The following HIBADH variants were observed in gnomAD, a reference collection of about 807,000 sequenced individuals.
HIBADH encodes 3-hydroxyisobutyrate dehydrogenase.
In HIBADH, 25 loss-of-function variants were observed where a neutral mutation model predicts 36.1. The ratio of observed to expected loss-of-function variants is 0.69; its 90% CI spans 0.50 to 0.97. The LOEUF is 0.97. Ranked by LOEUF, HIBADH falls within the 50% of genes least tolerant of loss-of-function variation. The probability of loss-of-function intolerance (pLI) is 0.00; values close to 1 mark genes in which losing one functional copy is unlikely to be tolerated. For synonymous variants in HIBADH, 160 were observed against 149.5 expected (o/e 1.07, Z -0.51); for missense variants, 421 against 418.0 (o/e 1.01, Z -0.06).
chr7:27,529,275 A>G (rs949617213), intron 7 of HIBADH, among the ~76,000 whole-genome samples: 10 of 152,198 alleles, frequency 6.6e-5, no homozygotes, highest in African/African-American at 2.2e-4. Context: ...TTCAACTCTT[A>G]TGTGAGAAGT....
chr7:27,632,215 T>C (rs1583609678), intron 3 of HIBADH, 121 bp downstream of exon 3: 9 of 663,680 alleles, frequency 1.4e-5, no homozygotes, highest in East Asian at 1.1e-4. Context: ...CTATTCACTT[T>C]ATGAAATAAA....
At chr7:27,595,803 A>AT (rs1226714480) in intron 4 of HIBADH, among the ~76,000 whole-genome samples, 1 of 152,206 alleles carries the variant, frequency 6.6e-6, no homozygotes, top group Non-Finnish European at 1.5e-5. Flanking sequence ...ATCTAATAAA[A>AT]TTACGCATAA....
At chr7:27,637,059 G>C (rs1040163529) in intron 2 of HIBADH, among the ~76,000 whole-genome samples, 20 of 152,282 alleles carry the variant, frequency 1.3e-4, no homozygotes, top group East Asian at 9.6e-4. Flanking sequence ...GGGTATGTTG[G>C]AGAATAAAGA....
intron 5 of HIBADH, among the ~76,000 whole-genome samples, chr7:27,539,671 T>G (rs74838057): frequency 6.6e-6 from 1 of 152,136 alleles, no homozygotes; most frequent in African/African-American, 2.4e-5. Context: ...CCTTGAATGA[T>G]GAGGGGGTTA....
intron 4 of HIBADH, among the ~76,000 whole-genome samples, chr7:27,551,353 C>T (rs1284373688): frequency 6.6e-6 from 1 of 152,146 alleles, no homozygotes; most frequent in East Asian, 1.9e-4. Flanking sequence ...GTTTCTTCAT[C>T]TGAAAACAGT....
intron 4 of HIBADH, among the ~76,000 whole-genome samples, chr7:27,575,839 G>A (rs1432108702): frequency 6.6e-6 from 1 of 152,220 alleles, no homozygotes; most frequent in Admixed American, 6.5e-5. Flanking sequence ...TTTCCTGAAT[G>A]GATTCTGGGC....
At chr7:27,579,523 T>C (rs1784760018) in intron 4 of HIBADH, among the ~76,000 whole-genome samples, 1 of 152,210 alleles carries the variant, frequency 6.6e-6, no homozygotes, top group African/African-American at 2.4e-5. Flanking sequence ...GTAGTTATCT[T>C]TTGATTTACA....
intron 4 of HIBADH, among the ~76,000 whole-genome samples, chr7:27,574,299 A>ATTT (rs70994662): frequency 2.0e-5 from 3 of 150,020 alleles, no homozygotes; most frequent in African/African-American, 7.3e-5. Flanking sequence ...ATAGCAGGTG[A>ATTT]TTTTTTTTTT....
In HIBADH at chr7:27,528,535, C is replaced by G. The variant is rs1158259746; in HGVS notation, c.853-2163G>C. ...AGTGGTCTGGATAGATCAAACCAGC[C>G]AAAACATTCCCTTAAACCAAAGCTT... On this transcript the variant is annotated intron_variant, in intron 7 of 7. Coordinates refer to ENST00000265395, the MANE Select transcript of HIBADH (RefSeq NM_152740.4). 2.0e-5 allele frequency among the ~76,000 whole-genome samples: 3 copies of G among 152,166 alleles called. No individual in the cohort carries two copies. In the East Asian group the frequency reaches 5.8e-4, roughly 29 times the overall value.
At chr7:27,589,776 T>C (rs1156514006) in intron 4 of HIBADH, among the ~76,000 whole-genome samples, 1 of 152,186 alleles carries the variant, frequency 6.6e-6, no homozygotes, top group Non-Finnish European at 1.5e-5. Context: ...CTGAGCAACC[T>C]TTTCTGTGGC....
chr7:27,602,797 AAACG>A (rs1785153837), intron 4 of HIBADH, among the ~76,000 whole-genome samples: 1 of 152,236 alleles, frequency 6.6e-6, no homozygotes, highest in East Asian at 1.9e-4. Flanking sequence ...TTTTACATGC[AAACG>A]TACTTTCTCA....
chr7:27,577,180 T>TTTA (rs1784723579), intron 4 of HIBADH, among the ~76,000 whole-genome samples: 3 of 151,252 alleles, frequency 2.0e-5, no homozygotes, highest in African/African-American at 2.4e-5. Flanking sequence ...TTTTTTTTTT[T>TTTA]GAGATGGAGT....
At chr7:27,653,765 G>C (rs1159638313) in intron 1 of HIBADH, among the ~76,000 whole-genome samples, 1 of 151,872 alleles carries the variant, frequency 6.6e-6, no homozygotes, top group Non-Finnish European at 1.5e-5. Context: ...CCATGACCAA[G>C]GTTTCAGTGA....
intron 4 of HIBADH, among the ~76,000 whole-genome samples, chr7:27,571,630 TTGTCTGGTGACC>T (rs1784630117): frequency 6.6e-6 from 1 of 152,240 alleles, no homozygotes; most frequent in Non-Finnish European, 1.5e-5. Context: ...TTCTGTTGGC[TTGTCTGGTGACC>T]TGTCTCCCTT....
intron 4 of HIBADH, among the ~76,000 whole-genome samples, chr7:27,554,983 T>C (rs1278002769): frequency 7.2e-5 from 11 of 152,166 alleles, no homozygotes; most frequent in Admixed American, 6.5e-4. Flanking sequence ...CCATTTCTGA[T>C]GGTGCATTAA....
At chr7:27,589,827 C>G (rs943268460) in intron 4 of HIBADH, among the ~76,000 whole-genome samples, 4 of 151,982 alleles carry the variant, frequency 2.6e-5, no homozygotes, top group Non-Finnish European at 5.9e-5. Flanking sequence ...GTGAACATAC[C>G]CAAGTCATAC....
intron 4 of HIBADH, among the ~76,000 whole-genome samples, chr7:27,583,145 G>A (rs147787908): frequency 2.6e-5 from 4 of 152,074 alleles, no homozygotes; most frequent in African/African-American, 7.2e-5. Context: ...TTTACAAGAT[G>A]TGTTCTTGTT....
At chr7:27,646,296 A>G (rs1786069620) in intron 2 of HIBADH, among the ~76,000 whole-genome samples, 1 of 152,208 alleles carries the variant, frequency 6.6e-6, no homozygotes, top group Admixed American at 6.5e-5. Flanking sequence ...AGAATCATCA[A>G]CACAGATGTC....
chr7:27,658,781 TAATAC>T (rs1219465893), intron 1 of HIBADH, among the ~76,000 whole-genome samples: 1 of 152,222 alleles, frequency 6.6e-6, no homozygotes, highest in Non-Finnish European at 1.5e-5. Flanking sequence ...TTTTATCACA[TAATAC>T]ATTTTTTATA....
Sources: allele counts gnomAD v4.1 joint callset (sites outside exome capture counted in the v4.1 genomes callset), GRCh38; gene constraint gnomAD v4.1.1; transcripts MANE v1.5; gene names NCBI Gene and HGNC (gene_info 2026-07-23, HGNC 2026-07-21).